Variants in COL6A6 observed in about 807,000 individuals in gnomAD.
COL6A6 encodes collagen type VI alpha 6 chain.
In COL6A6, 183 loss-of-function variants were observed where a neutral mutation model predicts 208.6. The ratio of observed to expected loss-of-function variants is 0.88; its 90% CI spans 0.78 to 0.99. The LOEUF is 0.99. Ranked by LOEUF, COL6A6 falls within the 50% of genes least tolerant of loss-of-function variation. The pLI, the probability that COL6A6 is intolerant of heterozygous loss-of-function variation, is 0.00. For missense variants in COL6A6, 2,816 were observed against 2,815.2 expected, an observed-to-expected ratio of 1.00 and a Z score of -0.01; for synonymous variants, 973 against 1,011.8, an observed-to-expected ratio of 0.96 and a Z score of 0.73.
intron 20 of COL6A6, among the ~76,000 whole-genome samples, chr3:130,601,023 CT>C (rs2064000544): frequency 6.6e-6 from 1 of 151,942 alleles, no homozygotes; most frequent in African/African-American, 2.4e-5. Context: ...TCATTAAGTA[CT>C]TTAAAAAATT....
chr3:130,565,082 A>G lies in COL6A6; in HGVS notation c.750A>G (p.Gly250=). Residue 250 remains glycine (G), a synonymous_variant, in exon 4 of 37, where the codon GGA becomes GGG. Transcript: ENST00000358511. ...GSEENFDYLK[G]FLEESVSALD... ...AGGAGAACTTTGACTATCTTAAAGG[A>G]TTCTTGGAAGAAAGTGTATCTGCCC... The G allele has an allele frequency of 6.2e-7, 1 of 1,614,016 alleles. No homozygotes were observed. The highest frequency in any genetic ancestry group is 1.1e-5 in the South Asian group (1 of 91,084).
chr3:130,573,648 G>T (rs921266722), intron 7 of COL6A6, among the ~76,000 whole-genome samples: 4 of 144,512 alleles, frequency 2.8e-5, no homozygotes, highest in African/African-American at 1.0e-4. Context: ...CTCACTACAA[G>T]CTCCGCCTCC....
rs1020732435 is a variant in COL6A6 at position 130,517,265 on chromosome 3, C to T, written c.-164C>T. On this transcript the variant is annotated 5_prime_UTR_variant, in exon 1 of 37. Coordinates refer to ENST00000358511, the MANE Select transcript of COL6A6 (RefSeq NM_001102608.3). ...CACGGTTCCGAGGTCTCCACCGTCT[C>T]CCCGCGCGCCGCAGGCGGCACCAAA... Among the ~76,000 whole-genome samples, 7 of 152,196 alleles carry T rather than the reference C, an allele frequency of 4.6e-5. No homozygotes were observed. Among genetic ancestry groups the T allele is most frequent in the African/African-American group, 1.2e-4 (5 of 41,466 alleles).
At chr3:130,636,867 T>TCCCCCTC (rs2065147853) in intron 28 of COL6A6, among the ~76,000 whole-genome samples, 1 of 1,616 alleles carries the variant, frequency 6.2e-4, no homozygotes, top group Non-Finnish European at 8.6e-4. Flanking sequence ...TCCCCTTCCT[T>TCCCCCTC]CCCTTCCCCT....
chr3:130,581,595 C>G lies in COL6A6; in HGVS notation c.3582C>G (p.Val1194=), dbSNP rs1387151402. The part of the protein sequence containing the change: ...CFVDVVVGFD[V]STQEKGQTLL... ...TGGATGTTGTGGTGGGATTTGATGT[C>G]TCAACTCAGGAGAAAGGGCAGACTT... The change falls in exon 9 of 37, where the codon GTC becomes GTG. Residue 1194 remains valine, a synonymous_variant. Transcript: ENST00000358511. 1 of 1,612,462 alleles carries G rather than the reference C, an allele frequency of 6.2e-7. No homozygotes were observed. Among genetic ancestry groups the G allele is most frequent in the Non-Finnish European group, 8.5e-7 (1 of 1,178,936 alleles).
intron 23 of COL6A6, among the ~76,000 whole-genome samples, chr3:130,620,878 T>G (rs1409036487): frequency 6.6e-6 from 1 of 152,234 alleles, no homozygotes; most frequent in Non-Finnish European, 1.5e-5. Context: ...TTCAGCTCAC[T>G]GGGGTTGGGA....
intron 2 of COL6A6, among the ~76,000 whole-genome samples, chr3:130,562,817 C>T (rs2107863461): frequency 6.6e-6 from 1 of 152,134 alleles, no homozygotes; most frequent in African/African-American, 2.4e-5. Context: ...TTCTAATTAA[C>T]CAATTCCTTG....
intron 18 of COL6A6, among the ~76,000 whole-genome samples, chr3:130,595,851 G>A (rs1214724139): frequency 1.3e-5 from 2 of 152,050 alleles, no homozygotes; most frequent in African/African-American, 4.8e-5. Flanking sequence ...TAATGTGTAT[G>A]GCCATACTCA....
intron 2 of COL6A6, among the ~76,000 whole-genome samples, chr3:130,561,036 A>G (rs2062869864): frequency 6.6e-6 from 1 of 152,244 alleles, no homozygotes; most frequent in African/African-American, 2.4e-5. Context: ...TTGTGAAGAC[A>G]TAAACCAGAC....
chr3:130,531,787 A>G (rs1434758549), intron 1 of COL6A6, among the ~76,000 whole-genome samples: 1 of 152,214 alleles, frequency 6.6e-6, no homozygotes, highest in African/African-American at 2.4e-5. Flanking sequence ...GCCTTGGTAG[A>G]GTCACTCGTT....
At chr3:130,538,803 AT>A (rs2062285761) in intron 1 of COL6A6, among the ~76,000 whole-genome samples, 1 of 152,032 alleles carries the variant, frequency 6.6e-6, no homozygotes, top group Non-Finnish European at 1.5e-5. Context: ...TGTGCCTCGA[AT>A]TTGTCCCACA....
Position 130,662,182 on chromosome 3 carries a change from G to A in COL6A6, c.6376G>A (p.Asp2126Asn), listed in dbSNP as rs2065954209. The A allele has an allele frequency of 6.2e-7, 1 of 1,613,890 alleles. No individual in the cohort carries two copies. The change falls in exon 35 of 37, where the codon GAC becomes AAC. Residue 2126 changes from aspartate to asparagine, a missense_variant. By Grantham distance (23) the Asp-to-Asn change is conservative (BLOSUM62 1). Transcript: ENST00000358511. ...FVFSLGPIWD[D>N]KELEDLASHP... ...GTTTTCCCTTGGCCCTATTTGGGATGACAAGGAACTGGAGGATCTCGCCAG... is the reference window on the plus strand; with the variant it reads ...GTTTTCCCTTGGCCCTATTTGGGATAACAAGGAACTGGAGGATCTCGCCAG...
At chr3:130,522,755 C>T (rs891087448) in intron 1 of COL6A6, among the ~76,000 whole-genome samples, 1 of 152,110 alleles carries the variant, frequency 6.6e-6, no homozygotes, top group African/African-American at 2.4e-5. Flanking sequence ...GAGGATCTGT[C>T]CTTCTCACTT....
Position 130,571,225 on chromosome 3 carries a change from C to A in COL6A6, c.2809C>A (p.Arg937=), listed in dbSNP as rs111457392. 2 of 1,613,780 alleles carry A rather than the reference C, an allele frequency of 1.2e-6. No homozygotes were observed. Among genetic ancestry groups the A allele is most frequent in the South Asian group, 1.1e-5 (1 of 91,008 alleles). Residue 937 remains arginine, a synonymous_variant, in exon 7 of 37, where the codon CGG becomes AGG. Coordinates refer to ENST00000358511, the MANE Select transcript of COL6A6 (RefSeq NM_001102608.3). The stretch of plus-strand genomic sequence containing the variant: ...ACTCAATGCCACGGCAAAGGCCTTG[C>A]GGGACAAAGGCATTCTTGTCCTGGC... ...DKLNATAKAL[R]DKGILVLAVG...
intron 1 of COL6A6, among the ~76,000 whole-genome samples, chr3:130,537,024 A>G (rs2062241820): frequency 6.6e-6 from 1 of 152,222 alleles, no homozygotes; most frequent in Admixed American, 6.5e-5. Context: ...AAAGGAGATG[A>G]GTTAATTATT....
At position 130,649,154 on chromosome 3, in the gene COL6A6, G is replaced by A. The variant is rs1049347966; in HGVS notation, c.5325G>A (p.Arg1775=). The A allele has an allele frequency of 1.9e-6, 3 of 1,593,012 alleles. No individual in the cohort carries two copies. The highest frequency in any genetic ancestry group is 2.6e-6 in the Non-Finnish European group (3 of 1,169,176). ...SRDVTEQEFE[R]MKEMMAFLVR... is the part of the protein sequence containing the mutation. ...ATGTCACTGAGCAGGAATTTGAGCGGATGAAGGAGATGATGGCTTTCCTGG... is the reference window on the plus strand; with the variant it reads ...ATGTCACTGAGCAGGAATTTGAGCGAATGAAGGAGATGATGGCTTTCCTGG... Residue 1775 remains arginine (R), a synonymous_variant, in exon 33 of 37, where the codon CGG becomes CGA. Transcript: ENST00000358511.
chr3:130,605,387 TGTGA>T (rs1345348189), intron 20 of COL6A6, among the ~76,000 whole-genome samples: 5 of 144,682 alleles, frequency 3.5e-5, no homozygotes, highest in African/African-American at 1.4e-4. Context: ...TGTGTGTGTG[TGTGA>T]GATCTTTATG....
At chr3:130,585,124 A>G (rs890197065) in intron 10 of COL6A6, among the ~76,000 whole-genome samples, 2 of 152,202 alleles carry the variant, frequency 1.3e-5, no homozygotes, top group African/African-American at 2.4e-5. Flanking sequence ...TTGGTACCCA[A>G]TTCTCATCAA....
intron 33 of COL6A6, among the ~76,000 whole-genome samples, chr3:130,651,308 C>T (rs1018401688): frequency 6.6e-6 from 1 of 151,888 alleles, no homozygotes; most frequent in Non-Finnish European, 1.5e-5. Flanking sequence ...TGCCTGTAAT[C>T]CCAGCTACTC....
Sources: gnomAD v4.1 joint callset for allele counts (sites outside exome capture counted in the v4.1 genomes callset) on GRCh38, gnomAD v4.1.1 for gene constraint, MANE v1.5 for transcripts, NCBI Gene and HGNC (gene_info 2026-07-23, HGNC 2026-07-21) for gene names.